The following PCSK5 variants were observed in gnomAD, a reference collection of about 807,000 sequenced individuals.
PCSK5 encodes the protein prohormone convertase 5.
In PCSK5, 129 loss-of-function variants were observed where a neutral mutation model predicts 233.2. The observed-to-expected ratio is 0.55, with a 90% CI of 0.48 to 0.64. The LOEUF (loss-of-function observed/expected upper bound fraction) is 0.64. PCSK5 is among the 30% of genes least tolerant of loss of function. The pLI is 0.00. For missense variants in PCSK5, 2,076 were observed against 2,430.1 expected (o/e 0.85, Z 3.06); for synonymous variants, 825 against 879.2 (o/e 0.94, Z 1.09).
chr9:76,174,125 T>G, intron 13 of PCSK5, among the ~76,000 whole-genome samples: 1 of 152,140 alleles, frequency 6.6e-6, no homozygotes, highest in South Asian at 2.1e-4. Context: ...AAATTTTTGT[T>G]AATTTTAGTT....
chr9:76,282,352 CTTT>C (rs34892445), intron 24 of PCSK5, among the ~76,000 whole-genome samples: 2 of 131,090 alleles, frequency 1.5e-5, no homozygotes, highest in Admixed American at 7.9e-5. Context: ...TTTCTTCTGT[CTTT>C]TTTTTTTTTT....
At chr9:76,216,743 A>C (rs1293955722) in intron 20 of PCSK5, among the ~76,000 whole-genome samples, 1 of 152,228 alleles carries the variant, frequency 6.6e-6, no homozygotes, top group Non-Finnish European at 1.5e-5. Flanking sequence ...AAAGTAATAC[A>C]ATGGTTAATA....
intron 36 of PCSK5, 92 bp downstream of exon 36, chr9:76,351,020 C>A: frequency 2.9e-6 from 2 of 690,496 alleles, no homozygotes; most frequent in South Asian, 3.6e-5. Flanking sequence ...ATCAAAATGT[C>A]CCAAAATTCT....
At chr9:76,020,762 C>T (rs567184653) in intron 3 of PCSK5, among the ~76,000 whole-genome samples, 3 of 152,286 alleles carry the variant, frequency 2.0e-5, no homozygotes, top group African/African-American at 7.2e-5. Context: ...TTCGTAATTA[C>T]AATTTCAGGC....
chr9:76,134,099 C>T lies in PCSK5; in HGVS notation c.1209-10C>T. 6.6e-7 allele frequency: 1 copy of T among 1,514,764 alleles called. No individual in the cohort carries two copies. The allele number at this position is 1,514,764 out of a possible 1,614,324, so 93.8% of individuals were successfully genotyped here. ...TTTGGTACAATGATTCTTACCTTGT[C>T]TTTCCCCAGTCCGTTTCTGACCTGG... On this transcript the variant is annotated splice_polypyrimidine_tract_variant and intron_variant, in intron 9 of 37. Transcript: ENST00000674117.
chr9:76,247,268 C>T (rs1029125555), intron 24 of PCSK5, among the ~76,000 whole-genome samples: 1 of 152,040 alleles, frequency 6.6e-6, no homozygotes, highest in Non-Finnish European at 1.5e-5. Flanking sequence ...CAGCTTGAGC[C>T]GTAACAAACA....
Position 76,091,643 on chromosome 9 carries a change from G to A in PCSK5, c.895-4247G>A, listed in dbSNP as rs1831293314. ...GGTTTTAATGAGGTTTGGCCAGTGG[G>A]GTATGCTGGCCAGAAACTGGAATGT... is the stretch of plus-strand genomic sequence containing the variant. On this transcript the variant is annotated intron_variant, in intron 7 of 37. Transcript: ENST00000674117. Among the ~76,000 whole-genome samples the A allele has an allele frequency of 2.0e-5, 3 of 151,968 alleles. No homozygotes were observed. The South Asian group carries it at 6.2e-4, about 32-fold the overall frequency.
intron 30 of PCSK5, among the ~76,000 whole-genome samples, chr9:76,317,760 A>T (rs1829072086): frequency 1.3e-5 from 2 of 152,192 alleles, no homozygotes; most frequent in Non-Finnish European, 2.9e-5. Flanking sequence ...AATGTGCCCG[A>T]TTGAACTTGC....
At chr9:76,040,325 GTCTC>G (rs757550088) in intron 5 of PCSK5, among the ~76,000 whole-genome samples, 2,307 of 78,958 alleles carry the variant, frequency 0.029, 36 homozygotes, top group Non-Finnish European at 0.04. Context: ...TGTGTTCTCT[GTCTC>G]TCTCTCTCTC....
intron 14 of PCSK5, among the ~76,000 whole-genome samples, chr9:76,177,809 C>A (rs1823681360): frequency 6.6e-6 from 1 of 152,144 alleles, no homozygotes; most frequent in Non-Finnish European, 1.5e-5. Context: ...AGAACCAAGA[C>A]TATTATTGCA....
At chr9:76,021,748 G>A (rs1241285235) in intron 3 of PCSK5, among the ~76,000 whole-genome samples, 3 of 152,048 alleles carry the variant, frequency 2.0e-5, no homozygotes, top group South Asian at 2.1e-4. Context: ...AATTTATTTC[G>A]GAGGCATTGG....
chr9:76,317,337 T>C (rs1472971108), intron 30 of PCSK5, among the ~76,000 whole-genome samples: 1 of 152,200 alleles, frequency 6.6e-6, no homozygotes, highest in East Asian at 1.9e-4. Flanking sequence ...CACTTCAGCC[T>C]GGGTGACAGG....
intron 1 of PCSK5, among the ~76,000 whole-genome samples, chr9:75,917,366 T>G (rs1823052122): frequency 6.6e-6 from 1 of 152,122 alleles, no homozygotes; most frequent in Admixed American, 6.6e-5. Context: ...CACTTTGCAT[T>G]TTTATGTGTT....
chr9:76,068,854 C>T (rs1265138081), intron 6 of PCSK5, among the ~76,000 whole-genome samples: 2 of 152,118 alleles, frequency 1.3e-5, no homozygotes, highest in African/African-American at 4.8e-5. Flanking sequence ...ATGAATGAAG[C>T]TCCTGGAACC....
intron 1 of PCSK5, among the ~76,000 whole-genome samples, chr9:75,892,748 C>T (rs992328934): frequency 2.6e-5 from 4 of 152,212 alleles, no homozygotes; most frequent in African/African-American, 9.6e-5. Context: ...TTAGAAGGAG[C>T]TGGGGAGTGC....
intron 7 of PCSK5, among the ~76,000 whole-genome samples, chr9:76,086,070 A>C (rs911144222): frequency 6.6e-6 from 1 of 152,208 alleles, no homozygotes; most frequent in Non-Finnish European, 1.5e-5. Context: ...ATTGGTAATC[A>C]ATGTTAATAT....
intron 20 of PCSK5, among the ~76,000 whole-genome samples, chr9:76,226,485 G>A (rs10746997): frequency 6.6e-6 from 1 of 151,904 alleles, no homozygotes; most frequent in Admixed American, 6.6e-5. Context: ...GTAAGACAAC[G>A]TGATTAAACC....
In PCSK5 at chr9:76,358,690, A is replaced by G; in HGVS notation, c.5432A>G (p.Asp1811Gly). ...AAGGCCGGCTATGAAAAACTGGCCG[A>G]CCCCAACAAGTCTTACTCCTCCTAT... Reference protein sequence around the residue: ...AAKAGYEKLADPNKSYSSYKS... With the variant: ...AAKAGYEKLAGPNKSYSSYKS... Residue 1811 changes from aspartate (D) to glycine (G), a missense_variant, in exon 38 of 38, where the codon GAC becomes GGC. By Grantham distance (94) the Asp-to-Gly change is moderately conservative (BLOSUM62 -1). Coordinates refer to ENST00000674117, the MANE Select transcript of PCSK5 (RefSeq NM_001372043.1). 3 of 1,612,602 alleles carry G rather than the reference A, an allele frequency of 1.9e-6. No homozygotes were observed. Among genetic ancestry groups the G allele is most frequent in the Middle Eastern group, 1.6e-4 (1 of 6,062 alleles).
chr9:76,312,173 A>T (rs1449066123), intron 30 of PCSK5, among the ~76,000 whole-genome samples: 1 of 152,224 alleles, frequency 6.6e-6, no homozygotes, highest in Non-Finnish European at 1.5e-5. Flanking sequence ...TTAAGGAGTT[A>T]GAATTTTCAT....
Sources: gnomAD v4.1 joint callset for allele counts (sites outside exome capture counted in the v4.1 genomes callset) on GRCh38, gnomAD v4.1.1 for gene constraint, MANE v1.5 for transcripts, NCBI Gene and HGNC (gene_info 2026-07-23, HGNC 2026-07-21) for gene names.